The following POC1A variants were observed in gnomAD, a reference collection of about 807,000 sequenced individuals.
The protein encoded by POC1A is POC1 centriolar protein homolog A.
Under a neutral mutation model 47.8 loss-of-function variants are expected in POC1A, and 34 were observed. The observed-to-expected ratio is 0.71, with a 90% CI of 0.54 to 0.95. The LOEUF is 0.95. Ranked by LOEUF, POC1A falls within the 40% of genes least tolerant of loss-of-function variation. The pLI, the probability that POC1A is intolerant of heterozygous loss-of-function variation, is 0.00. For missense variants in POC1A, 466 were observed against 528.3 expected (o/e 0.88, Z 1.16); for synonymous variants, 177 against 207.6 (o/e 0.85, Z 1.27).
chr3:52,129,118 AAAAC>A (rs1238734763), intron 7 of POC1A, among the ~76,000 whole-genome samples: 1 of 152,000 alleles, frequency 6.6e-6, no homozygotes, highest in Non-Finnish European at 1.5e-5. Flanking sequence ...CATCTCTACT[AAAAC>A]TACAAAATTA....
intron 1 of POC1A, among the ~76,000 whole-genome samples, chr3:52,154,036 A>G (rs527402276): frequency 2.2e-3 from 339 of 152,350 alleles, no homozygotes; most frequent in Non-Finnish European, 3.0e-3. Context: ...GACGTGGAGA[A>G]TGGCTAGAGA....
At chr3:52,148,693 A>C (rs1024819285) in intron 4 of POC1A, among the ~76,000 whole-genome samples, 1 of 152,196 alleles carries the variant, frequency 6.6e-6, no homozygotes, top group Non-Finnish European at 1.5e-5. Flanking sequence ...ATCCCCTGAG[A>C]ACATCCCAGA....
chr3:52,113,718 CA>C, intron 9 of POC1A, among the ~76,000 whole-genome samples: 1 of 152,166 alleles, frequency 6.6e-6, no homozygotes, highest in South Asian at 2.1e-4. Flanking sequence ...CAAAAACAAA[CA>C]AAAAAACAAA....
chr3:52,113,880 G>A (rs1450516901), intron 9 of POC1A, among the ~76,000 whole-genome samples: 1 of 152,202 alleles, frequency 6.6e-6, no homozygotes, highest in African/African-American at 2.4e-5. Flanking sequence ...GAGTATGAAA[G>A]GGGGCATCTT....
At chr3:52,147,714 G>T (rs1280322315) in intron 4 of POC1A, among the ~76,000 whole-genome samples, 2 of 152,100 alleles carry the variant, frequency 1.3e-5, no homozygotes. Flanking sequence ...AAAGTGCTAG[G>T]ATTACAGACA....
chr3:52,118,120 C>G (rs1371378203), intron 9 of POC1A, among the ~76,000 whole-genome samples: 1 of 152,210 alleles, frequency 6.6e-6, no homozygotes, highest in African/African-American at 2.4e-5. Context: ...TGCCCACCCT[C>G]AAGCCCCTCT....
At chr3:52,116,386 G>A (rs940188356) in intron 9 of POC1A, among the ~76,000 whole-genome samples, 1 of 152,220 alleles carries the variant, frequency 6.6e-6, no homozygotes, top group South Asian at 2.1e-4. Context: ...CAGTTCAGAT[G>A]TTCTCAACTG....
At chr3:52,092,294 C>A (rs979818509) in intron 10 of POC1A, among the ~76,000 whole-genome samples, 3 of 152,144 alleles carry the variant, frequency 2.0e-5, no homozygotes, top group Non-Finnish European at 2.9e-5. Flanking sequence ...GAGCTTCTGG[C>A]CTTACCTTTC....
chr3:52,150,890 C>T (rs1272289460), intron 2 of POC1A, 126 bp downstream of exon 2: 2 of 778,994 alleles, frequency 2.6e-6, no homozygotes, highest in East Asian at 2.6e-5. Flanking sequence ...AGAAGCAAGA[C>T]TAGAAGCAGG....
chr3:52,142,048 G>A (rs1698215294), intron 6 of POC1A, among the ~76,000 whole-genome samples: 1 of 152,206 alleles, frequency 6.6e-6, no homozygotes, highest in Non-Finnish European at 1.5e-5. Flanking sequence ...CCTGTCAACA[G>A]AATGCCAGAC....
intron 10 of POC1A, among the ~76,000 whole-genome samples, chr3:52,077,111 G>A (rs1702139463): frequency 6.6e-6 from 1 of 152,240 alleles, no homozygotes; most frequent in Admixed American, 6.5e-5. Context: ...CCTCTTTAGG[G>A]TTGGCTGAGT....
chr3:52,123,770 G>A (rs549875091), intron 8 of POC1A, among the ~76,000 whole-genome samples: 112 of 152,328 alleles, frequency 7.4e-4, no homozygotes, highest in African/African-American at 2.6e-3. Context: ...CAGGAAGCCT[G>A]GGAGCTGATG....
intron 6 of POC1A, among the ~76,000 whole-genome samples, chr3:52,144,228 C>G (rs955478149): frequency 1.3e-5 from 2 of 152,224 alleles, no homozygotes; most frequent in Non-Finnish European, 2.9e-5. Flanking sequence ...TGCCCACGTT[C>G]CCCAGGCAGC....
In POC1A at chr3:52,125,110, T is replaced by C; in HGVS notation, c.882+3A>G. 1 of 1,604,698 alleles carries C rather than the reference T, an allele frequency of 6.2e-7. No individual in the cohort carries two copies. Among genetic ancestry groups the C allele is most frequent in the Non-Finnish European group, 8.5e-7 (1 of 1,171,426 alleles). On this transcript the variant is annotated splice_donor_region_variant and intron_variant, in intron 8 of 10. Coordinates refer to ENST00000296484, the MANE Select transcript of POC1A (RefSeq NM_015426.5). ...CCATTCCATTCGACTACTCTTTACT[T>C]ACTTGTTCATCAGAGCCTCCAGAAG...
intron 9 of POC1A, among the ~76,000 whole-genome samples, chr3:52,115,748 A>C (rs1189369550): frequency 6.6e-6 from 1 of 152,060 alleles, no homozygotes; most frequent in South Asian, 2.1e-4. Context: ...ACAAACCCTC[A>C]CCAGACACTA....
chr3:52,127,772 T>C (rs1239865045), intron 7 of POC1A, among the ~76,000 whole-genome samples: 1 of 150,488 alleles, frequency 6.6e-6, no homozygotes, highest in Non-Finnish European at 1.5e-5. Flanking sequence ...CTTGGCTCAC[T>C]GCAACCTCTG....
intron 10 of POC1A, 73 bp downstream of exon 10, chr3:52,096,496 C>T: frequency 1.5e-6 from 2 of 1,299,632 alleles, no homozygotes; most frequent in South Asian, 3.4e-5. Context: ...ACCTGTTGTC[C>T]AACTTCAAAC....
intron 10 of POC1A, among the ~76,000 whole-genome samples, chr3:52,094,544 T>G (rs1702745730): frequency 6.6e-6 from 1 of 152,184 alleles, no homozygotes; most frequent in Admixed American, 6.5e-5. Context: ...CAACCAACAG[T>G]CAAGCCCAAG....
chr3:52,139,978 C>T (rs887389548), intron 6 of POC1A, among the ~76,000 whole-genome samples: 1 of 152,204 alleles, frequency 6.6e-6, no homozygotes, highest in Non-Finnish European at 1.5e-5. Context: ...ATGAGGAAAA[C>T]CAGTGGGGCT....
Sources: gnomAD v4.1 joint callset for allele counts (sites outside exome capture counted in the v4.1 genomes callset) on GRCh38, gnomAD v4.1.1 for gene constraint, MANE v1.5 for transcripts, NCBI Gene and HGNC (gene_info 2026-07-23, HGNC 2026-07-21) for gene names.